DIP2C: variants seen among roughly 807,000 people sequenced by gnomAD.
DIP2C encodes the protein disco-interacting protein 2 homolog C.
A neutral mutation model predicts 192.4 loss-of-function variants in DIP2C; 33 were observed. The ratio of observed to expected loss-of-function variants is 0.17; its 90% CI spans 0.13 to 0.23. The LOEUF is 0.23. DIP2C is among the 10% of genes least tolerant of loss of function. The pLI, the probability that DIP2C is intolerant of heterozygous loss-of-function variation, is 1.00. For missense variants in DIP2C, 1,537 were observed against 2,110.1 expected, an observed-to-expected ratio of 0.73 and a Z score of 5.32; for synonymous variants, 979 against 864.1, an observed-to-expected ratio of 1.13 and a Z score of -2.33.
intron 4 of DIP2C, among the ~76,000 whole-genome samples, chr10:428,089 C>T (rs533526041): frequency 6.6e-5 from 10 of 152,270 alleles, no homozygotes; most frequent in African/African-American, 2.4e-4. Flanking sequence ...GAATAAACTA[C>T]TGATGCATGG....
chr10:396,045 G>T (rs1183661662), intron 10 of DIP2C, among the ~76,000 whole-genome samples: 1 of 152,168 alleles, frequency 6.6e-6, no homozygotes, highest in Non-Finnish European at 1.5e-5. Flanking sequence ...AGCTGAGGGG[G>T]ACTGTTGGGT....
chr10:483,554 C>T lies in DIP2C; in HGVS notation c.157+2905G>A, dbSNP rs553909219. Among the ~76,000 whole-genome samples, 9 of 152,330 alleles carry T rather than the reference C, an allele frequency of 5.9e-5. No homozygotes were observed. The East Asian group carries it at 9.7e-4, about 16-fold the overall frequency. Reference sequence around the variant, plus strand: ...GTGTCTGGGCCTCAATCAGGCGGCCCGGGCCGTCCTTCTCCTGTTTTCCTC... The same window carrying T: ...GTGTCTGGGCCTCAATCAGGCGGCCTGGGCCGTCCTTCTCCTGTTTTCCTC... On this transcript the variant is annotated intron_variant, in intron 2 of 36. Coordinates refer to ENST00000280886, the MANE Select transcript of DIP2C (RefSeq NM_014974.3).
At chr10:463,226 G>A (rs978139422) in intron 3 of DIP2C, among the ~76,000 whole-genome samples, 2 of 152,196 alleles carry the variant, frequency 1.3e-5, no homozygotes, top group African/African-American at 4.8e-5. Context: ...GTTTACAGAT[G>A]ACATGATTGT....
chr10:507,872 C>T (rs188825481), intron 1 of DIP2C, among the ~76,000 whole-genome samples: 59 of 152,288 alleles, frequency 3.9e-4, no homozygotes, highest in African/African-American at 1.4e-3. Context: ...TCACCTGAGG[C>T]CACCAAGTTT....
At chr10:285,720 C>T (rs1312039448) in intron 34 of DIP2C, among the ~76,000 whole-genome samples, 1 of 152,252 alleles carries the variant, frequency 6.6e-6, no homozygotes, top group Non-Finnish European at 1.5e-5. Flanking sequence ...GCGTCTTTCT[C>T]TAGCTGCATC....
chr10:390,140 C>G (rs773658744), intron 12 of DIP2C, 47 bp from the exon 13 acceptor site: 1 of 1,596,858 alleles, frequency 6.3e-7, no homozygotes, highest in Middle Eastern at 1.7e-4. Flanking sequence ...CAGGTCACGG[C>G]AGTTTTTCTG....
chr10:656,695 C>G (rs1163436615), intron 1 of DIP2C, among the ~76,000 whole-genome samples: 1 of 152,170 alleles, frequency 6.6e-6, no homozygotes, highest in Non-Finnish European at 1.5e-5. Flanking sequence ...AGCATCCACA[C>G]AGGCTCACCT....
chr10:368,395 AG>A (rs1960542640), intron 18 of DIP2C, among the ~76,000 whole-genome samples: 1 of 152,054 alleles, frequency 6.6e-6, no homozygotes. Context: ...AAATGGAGCC[AG>A]GGGGGCCTGG....
At chr10:663,309 G>C (rs1045997256) in intron 1 of DIP2C, 8 of 176,476 alleles carry the variant, frequency 4.5e-5, no homozygotes, top group Admixed American at 1.8e-4. Flanking sequence ...CTGGAACTTC[G>C]TAATGGCTTT....
intron 1 of DIP2C, among the ~76,000 whole-genome samples, chr10:532,594 TGTGA>T (rs1262730826): frequency 7.4e-6 from 1 of 134,682 alleles, no homozygotes; most frequent in African/African-American, 3.0e-5. Flanking sequence ...AGAGTATGGG[TGTGA>T]GAGAGAGTAT....
At chr10:540,964 G>A (rs1480600364) in intron 1 of DIP2C, among the ~76,000 whole-genome samples, 3 of 152,122 alleles carry the variant, frequency 2.0e-5, no homozygotes, top group East Asian at 1.9e-4. Flanking sequence ...CGTGCTACAC[G>A]CAGATGGGGA....
In DIP2C at chr10:481,050, A is replaced by C. The variant is rs371237146; in HGVS notation, c.157+5409T>G. ...CCGGGACCCTCCAGCCCAGGTGAGG[A>C]GGCGGTCCCTCCCCAGCACGTCTAG... On this transcript the variant is annotated intron_variant, in intron 2 of 36. Coordinates refer to ENST00000280886, the MANE Select transcript of DIP2C (RefSeq NM_014974.3). 1.7e-4 allele frequency among the ~76,000 whole-genome samples: 26 copies of C among 152,272 alleles called. 2 individuals carry two copies. The highest frequency in any genetic ancestry group is 1.2e-3 in the Admixed American group (18 of 15,294).
intron 1 of DIP2C, among the ~76,000 whole-genome samples, chr10:574,712 G>A (rs1850044670): frequency 6.6e-6 from 1 of 152,146 alleles, no homozygotes; most frequent in Non-Finnish European, 1.5e-5. Context: ...GTTTATCCAG[G>A]CCCTCGAAAA....
At chr10:376,956 T>C (rs1301428482) in intron 17 of DIP2C, among the ~76,000 whole-genome samples, 1 of 152,216 alleles carries the variant, frequency 6.6e-6, no homozygotes, top group African/African-American at 2.4e-5. Context: ...ATTGCGATTT[T>C]TAATAGGAAA....
At chr10:487,567 GTTTTTTTTTTTTTTT>G (rs71376836) in intron 1 of DIP2C, among the ~76,000 whole-genome samples, 1 of 54,200 alleles carries the variant, frequency 1.8e-5, no homozygotes, top group Admixed American at 3.4e-4. Context: ...ATCAATGAGT[GTTTTTTTTTTTTTTT>G]TTTTTTTTTT....
intron 1 of DIP2C, among the ~76,000 whole-genome samples, chr10:610,997 C>A (rs965487137): frequency 6.9e-6 from 1 of 145,898 alleles, no homozygotes; most frequent in Non-Finnish European, 1.5e-5. Context: ...TGCTTTCTAA[C>A]CCCCCAGTGT....
intron 3 of DIP2C, among the ~76,000 whole-genome samples, chr10:458,688 G>A (rs571342346): frequency 1.3e-5 from 2 of 151,756 alleles, no homozygotes; most frequent in African/African-American, 4.8e-5. Flanking sequence ...CTCACCAGCA[G>A]CGCATGGCAG....
Position 636,376 on chromosome 10 carries a change from G to C in DIP2C, c.85+53118C>G, listed in dbSNP as rs371699315. 1.4e-3 allele frequency among the ~76,000 whole-genome samples: 217 copies of C among 152,300 alleles called. 2 individuals are homozygous for C. In the South Asian group the frequency reaches 0.044, roughly 31 times the overall value. On this transcript the variant is annotated intron_variant, in intron 1 of 36. Coordinates refer to ENST00000280886, the MANE Select transcript of DIP2C (RefSeq NM_014974.3). This position sits in a 1 kb window ranked among gnomAD's most constrained non-coding sequence, Gnocchi z 4.6. ...AGTGGCCAAGTTTTCTCCACGTGGAGTTCCGACAACTAACATTTCGGTAGA... is the reference window on the plus strand; with the variant it reads ...AGTGGCCAAGTTTTCTCCACGTGGACTTCCGACAACTAACATTTCGGTAGA...
At chr10:306,275 C>T (rs1403070362) in intron 32 of DIP2C, among the ~76,000 whole-genome samples, 1 of 151,900 alleles carries the variant, frequency 6.6e-6, no homozygotes, top group African/African-American at 2.4e-5. Flanking sequence ...AGGCAGGTCC[C>T]ACCCACCATG....
Sources: gnomAD v4.1 joint callset for allele counts (sites outside exome capture counted in the v4.1 genomes callset) on GRCh38, gnomAD v4.1.1 for gene constraint, Gnocchi (gnomAD v3.1) non-coding constraint, MANE v1.5 for transcripts, NCBI Gene and HGNC (gene_info 2026-07-23, HGNC 2026-07-21) for gene names.